DPY19L4: variants seen among roughly 807,000 people sequenced by gnomAD.
DPY19L4 encodes the protein dpy-19 like 4, also known as probable C-mannosyltransferase DPY19L4.
Under a neutral mutation model 102.8 loss-of-function variants are expected in DPY19L4, and 97 were observed. The observed-to-expected ratio is 0.94, with a 90% CI of 0.80 to 1.12. The LOEUF is 1.12. DPY19L4 is among the 50% of genes most tolerant of loss of function. DPY19L4 has a pLI of 0.00. For missense variants in DPY19L4, 815 were observed against 850.4 expected (o/e 0.96, Z 0.52); for synonymous variants, 252 against 283.1 (o/e 0.89, Z 1.10).
chr8:94,720,027 G>C lies in DPY19L4; in HGVS notation c.16+13G>C, dbSNP rs1229431580. 1 of 1,530,056 alleles carries C rather than the reference G, an allele frequency of 6.5e-7. No individual in the cohort carries two copies. The highest frequency in any genetic ancestry group is 8.8e-7 in the Non-Finnish European group (1 of 1,139,646). The allele number at this position is 1,530,056 out of a possible 1,614,324, so 94.8% of individuals were successfully genotyped here. On this transcript the variant is annotated intron_variant, in intron 1 of 18. Transcript: ENST00000414645. The stretch of plus-strand genomic sequence containing the variant: ...GCGGAGGAAGAAGGTGATTGCCGCG[G>C]GGTCCAGCGCGCCAACGGCTGCCAG...
At chr8:94,764,929 A>C (rs890222311) in intron 8 of DPY19L4, among the ~76,000 whole-genome samples, 3 of 150,348 alleles carry the variant, frequency 2.0e-5, no homozygotes, top group African/African-American at 7.3e-5. Context: ...GGGTTTCACC[A>C]TGTTGGCCAG....
chr8:94,750,948 T>C (rs983409597), intron 6 of DPY19L4, among the ~76,000 whole-genome samples: 3 of 150,302 alleles, frequency 2.0e-5, no homozygotes. Context: ...GCCTGGCTAA[T>C]TTTTATGTTT....
chr8:94,741,890 T>C (rs1811461255), intron 6 of DPY19L4, among the ~76,000 whole-genome samples: 1 of 152,228 alleles, frequency 6.6e-6, no homozygotes, highest in South Asian at 2.1e-4. Flanking sequence ...TAGTATAGAA[T>C]GGAATTAGAA....
rs1455905278 is a variant in DPY19L4, at chr8:94,745,821, C to A, written c.611+6031C>A. On this transcript the variant is annotated intron_variant, in intron 6 of 18. Coordinates refer to ENST00000414645, the MANE Select transcript of DPY19L4 (RefSeq NM_181787.3). ...ACAGGCTAGAGTGCAATAATGCGAT[C>A]TTGACTTACCGCAACCTCTGCCTCC... Among the ~76,000 whole-genome samples the A allele has an allele frequency of 9.2e-5, 14 of 152,160 alleles. No homozygotes were observed. In the East Asian group the frequency reaches 2.3e-3, roughly 25 times the overall value.
At chr8:94,764,689 G>GTGTGTGTGTGTATATATATATATA (rs1415377058) in intron 8 of DPY19L4, among the ~76,000 whole-genome samples, 2 of 43,210 alleles carry the variant, frequency 4.6e-5, no homozygotes, top group African/African-American at 1.1e-4. Flanking sequence ...GTCTGTGTGT[G>GTGTGTGTGTGTATATATATATATA]TATATATATA....
chr8:94,752,962 GC>G (rs1812011969), intron 6 of DPY19L4, among the ~76,000 whole-genome samples: 2 of 150,866 alleles, frequency 1.3e-5, no homozygotes, highest in African/African-American at 2.4e-5. Context: ...ACAGTGCCCG[GC>G]TTTTGAAGAT....
At chr8:94,762,353 T>G (rs1812429381) in intron 8 of DPY19L4, among the ~76,000 whole-genome samples, 1 of 152,024 alleles carries the variant, frequency 6.6e-6, no homozygotes, top group Non-Finnish European at 1.5e-5. Flanking sequence ...TCTGTTGGGG[T>G]GAAGAAGCAT....
At chr8:94,765,583 T>TC in intron 9 of DPY19L4, 128 bp from the exon 10 acceptor site, 2 of 773,832 alleles carry the variant, frequency 2.6e-6, no homozygotes, top group Non-Finnish European at 4.2e-6. Flanking sequence ...TGATCCCCTA[T>TC]CTTTGGTCTC....
At chr8:94,769,446 TCA>T (rs1434484480) in intron 12 of DPY19L4, among the ~76,000 whole-genome samples, 3 of 152,268 alleles carry the variant, frequency 2.0e-5, no homozygotes, top group African/African-American at 4.8e-5. Flanking sequence ...ATTTAAATAA[TCA>T]GTTAAACTTT....
chr8:94,778,294 A>C (rs1160297047), intron 14 of DPY19L4, among the ~76,000 whole-genome samples: 2 of 152,216 alleles, frequency 1.3e-5, no homozygotes, highest in African/African-American at 4.8e-5. Flanking sequence ...CTTAAAAAAT[A>C]AAAGATAAAA....
Position 94,756,040 on chromosome 8 carries a change from G to C in DPY19L4, c.616G>C (p.Asp206His), listed in dbSNP as rs1259243925. Residue 206 changes from aspartate (D) to histidine (H), a missense_variant, in exon 7 of 19, where the codon GAT becomes CAT. By Grantham distance (81) the Asp-to-His change is moderately conservative (BLOSUM62 -1). Transcript: ENST00000414645. ...TVAWFVINRV[D>H]TTRIEYSIPL... ...TTCATCTGTGGTTTATTTTAGGGTA[G>C]ATACAACAAGAATTGAATACTCCAT... The C allele has an allele frequency of 1.2e-6, 2 of 1,609,984 alleles. No homozygotes were observed. Among genetic ancestry groups the C allele is most frequent in the Admixed American group, 1.7e-5 (1 of 59,314 alleles).
rs1462260120 is a variant in DPY19L4 at position 94,744,659 on chromosome 8, A to G, written c.611+4869A>G. The G allele has an allele frequency of 9.1e-6, 4 of 438,412 alleles. No homozygotes were observed. The Admixed American group carries it at 9.9e-5, about 11-fold the overall frequency. 27.2% of individuals were successfully genotyped at this position (438,412 alleles called of 1,614,324 possible). A position where few individuals can be genotyped will look rare whatever the true frequency, so the allele number is the denominator to read the frequency against. ...TTTGAAGAGGAAAAGATACTTTCTC[A>G]TGTAAACATAATGGTTTTAAAGAAT... On this transcript the variant is annotated intron_variant, in intron 6 of 18. Transcript: ENST00000414645.
intron 6 of DPY19L4, among the ~76,000 whole-genome samples, chr8:94,745,597 G>A (rs1811636630): frequency 6.6e-6 from 1 of 152,116 alleles, no homozygotes; most frequent in Admixed American, 6.5e-5. Context: ...CTGATTCTGT[G>A]GTGATGATGT....
intron 13 of DPY19L4, among the ~76,000 whole-genome samples, chr8:94,774,192 T>C (rs1206753667): frequency 1.3e-5 from 2 of 151,754 alleles, no homozygotes; most frequent in Admixed American, 6.6e-5. Context: ...CACAGACTGG[T>C]GTCACCATGC....
chr8:94,729,702 A>C (rs1330581187), intron 2 of DPY19L4, among the ~76,000 whole-genome samples: 1 of 146,188 alleles, frequency 6.8e-6, no homozygotes, highest in Non-Finnish European at 1.5e-5. Flanking sequence ...GTGGTGGTTC[A>C]TGCCTGTAGT....
chr8:94,783,570 A>C, intron 16 of DPY19L4, 100 bp from the exon 17 acceptor site: 1 of 1,427,750 alleles, frequency 7.0e-7, no homozygotes, highest in Non-Finnish European at 9.3e-7. Flanking sequence ...TGAAATGTGT[A>C]AACATTGTAA....
chr8:94,770,131 C>T (rs1337129832), intron 12 of DPY19L4, among the ~76,000 whole-genome samples: 1 of 152,114 alleles, frequency 6.6e-6, no homozygotes, highest in African/African-American at 2.4e-5. Context: ...AAGTGATCTG[C>T]CCACCTTGGC....
chr8:94,788,083 GTA>G (rs200093964), intron 18 of DPY19L4, 31 bp downstream of exon 18: 178 of 1,010,202 alleles, frequency 1.8e-4, no homozygotes, highest in African/African-American at 1.2e-3. Context: ...TTATATATAT[GTA>G]TATATATATA....
rs193216098 is a variant in DPY19L4, at chr8:94,768,559, T to C, written c.1334+6T>C. 2.5e-5 allele frequency: 35 copies of C among 1,412,886 alleles called. No individual in the cohort carries two copies. The Admixed American group carries it at 7.8e-4, about 32-fold the overall frequency. 87.5% of individuals were successfully genotyped at this position (1,412,886 alleles called of 1,614,324 possible). On this transcript the variant is annotated splice_donor_region_variant and intron_variant, in intron 12 of 18. Transcript: ENST00000414645. Reference sequence around the variant, plus strand: ...GTTATTTTTAGGAGGATTAAGTAAGTACCTATGAGAATCAATCATATTACT... The same window carrying C: ...GTTATTTTTAGGAGGATTAAGTAAGCACCTATGAGAATCAATCATATTACT...
Sources: allele counts gnomAD v4.1 joint callset (sites outside exome capture counted in the v4.1 genomes callset), GRCh38; gene constraint gnomAD v4.1.1; transcripts MANE v1.5; gene names NCBI Gene and HGNC (gene_info 2026-07-23, HGNC 2026-07-21).